The following CCDC3 variants were observed in gnomAD, a reference collection of about 807,000 sequenced individuals.
CCDC3 encodes coiled-coil domain containing 3, also known as coiled-coil domain-containing protein 3.
A neutral mutation model predicts 21.4 loss-of-function variants in CCDC3; 24 were observed. The observed-to-expected ratio is 1.12, with a 90% confidence interval of 0.81 to 1.58. The LOEUF is 1.58. Ranked by LOEUF, CCDC3 falls within the 40% of genes most tolerant of loss-of-function variation. The pLI, the probability that CCDC3 is intolerant of heterozygous loss-of-function variation, is 0.00. For synonymous variants in CCDC3, 186 were observed against 166.0 expected, an observed-to-expected ratio of 1.12 and a Z score of -0.93; for missense variants, 425 against 360.9, an observed-to-expected ratio of 1.18 and a Z score of -1.44.
At chr10:13,063,919 T>TG (rs1213547656) in intron 4 of CCDC3, among the ~76,000 whole-genome samples, 5 of 152,132 alleles carry the variant, frequency 3.3e-5, no homozygotes, top group Middle Eastern at 3.4e-3. Context: ...GTCGTTTTTT[T>TG]TTGTTGTTGT....
At chr10:12,929,316 A>AT (rs1429048252) in intron 2 of CCDC3, among the ~76,000 whole-genome samples, 1 of 148,318 alleles carries the variant, frequency 6.7e-6, no homozygotes, top group Non-Finnish European at 1.5e-5. Flanking sequence ...TCTGAGTTTT[A>AT]TTTTTGTGCC....
intron 5 of CCDC3, among the ~76,000 whole-genome samples, chr10:13,012,005 T>C (rs1274110421): frequency 1.3e-5 from 2 of 152,138 alleles, no homozygotes; most frequent in South Asian, 2.1e-4. Context: ...ACGTGGAAGA[T>C]TGAAACTGGA....
At chr10:12,978,489 T>C (rs1206925589) in intron 2 of CCDC3, among the ~76,000 whole-genome samples, 2 of 152,204 alleles carry the variant, frequency 1.3e-5, no homozygotes, top group Middle Eastern at 3.2e-3. Flanking sequence ...TGGGGTTACA[T>C]GACACGGTCA....
At chr10:13,092,204 C>G (rs1318890796) in intron 3 of CCDC3, among the ~76,000 whole-genome samples, 4 of 152,096 alleles carry the variant, frequency 2.6e-5, no homozygotes, top group Non-Finnish European at 5.9e-5. Context: ...GTATGGGAAC[C>G]AAGGTAGACA....
At chr10:13,027,958 T>C (rs1210502715) in intron 5 of CCDC3, among the ~76,000 whole-genome samples, 4 of 152,182 alleles carry the variant, frequency 2.6e-5, no homozygotes, top group Admixed American at 1.3e-4. Context: ...CCAAGATTGA[T>C]GCTCCTCTTA....
At chr10:12,927,912 C>G (rs1333751485) in intron 2 of CCDC3, among the ~76,000 whole-genome samples, 1 of 152,190 alleles carries the variant, frequency 6.6e-6, no homozygotes, top group Non-Finnish European at 1.5e-5. Flanking sequence ...CATACACAGT[C>G]CAGAAATGGA....
At chr10:13,092,681 G>A (rs1382064386) in intron 3 of CCDC3, among the ~76,000 whole-genome samples, 1 of 152,234 alleles carries the variant, frequency 6.6e-6, no homozygotes, top group African/African-American at 2.4e-5. Flanking sequence ...TAACACAGGG[G>A]TGACCAGTTG....
At chr10:12,941,918 T>C (rs1193582785) in intron 2 of CCDC3, among the ~76,000 whole-genome samples, 2 of 152,212 alleles carry the variant, frequency 1.3e-5, no homozygotes, top group Non-Finnish European at 2.9e-5. Flanking sequence ...AACTAAAGAA[T>C]GGAGACGGCC....
rs548047657 is a variant in CCDC3 at position 13,076,533 on chromosome 10, G to T, written c.-502-2433C>A. 3.2e-4 allele frequency among the ~76,000 whole-genome samples: 49 copies of T among 152,326 alleles called. No individual in the cohort carries two copies. In the Middle Eastern group the frequency reaches 0.01, roughly 32 times the overall value. ...TAAATCATAAGTGTTAGAAGTAATA[G>T]TTCCTTTTAAAGACTAACTTCCTTC... On this transcript the variant is annotated intron_variant, in intron 3 of 6. Coordinates refer to the CCDC3 transcript ENST00000378839.
chr10:12,898,730 G>A lies in CCDC3; in HGVS notation c.550-51C>T, dbSNP rs748398603. 2.6e-5 allele frequency: 41 copies of A among 1,591,104 alleles called. 2 individuals carry two copies. In the South Asian group the frequency reaches 4.4e-4, roughly 17 times the overall value. On this transcript the variant is annotated intron_variant, in intron 2 of 2. Transcript: ENST00000378825. ...AGAGGAGGTGAGTCCCAGAAACTGCGCTGCGGCCAGGGGAGTCCCAGAAGC... is the reference window on the plus strand; with the variant it reads ...AGAGGAGGTGAGTCCCAGAAACTGCACTGCGGCCAGGGGAGTCCCAGAAGC...
chr10:12,937,393 G>A lies in CCDC3; in HGVS notation c.550-38714C>T, dbSNP rs559275585. Among the ~76,000 whole-genome samples the A allele has an allele frequency of 5.9e-5, 9 of 152,236 alleles. 1 individual carries two copies. The highest frequency in any genetic ancestry group is 2.2e-4 in the African/African-American group (9 of 41,518). The stretch of plus-strand genomic sequence containing the variant: ...CGGTTATCAAGCCACCATAGTACTA[G>A]CAGTACCTGAGATGTTGTCACCAGA... On this transcript the variant is annotated intron_variant, in intron 2 of 2. Coordinates refer to ENST00000378825, the MANE Select transcript of CCDC3 (RefSeq NM_031455.4).
intron 4 of CCDC3, among the ~76,000 whole-genome samples, chr10:13,064,256 C>T (rs1168274131): frequency 6.6e-6 from 1 of 152,168 alleles, no homozygotes; most frequent in Non-Finnish European, 1.5e-5. Context: ...CACAACTGTC[C>T]TCTCAGTTCA....
upstream of CCDC3, among the ~76,000 whole-genome samples, chr10:13,001,950 G>A (rs1175310287): frequency 6.6e-6 from 1 of 152,202 alleles, no homozygotes. Flanking sequence ...CGATGGACGT[G>A]GTCCGAGCTT....
intron 3 of CCDC3, among the ~76,000 whole-genome samples, chr10:13,097,694 A>C (rs1564347770): frequency 6.6e-6 from 1 of 152,250 alleles, no homozygotes; most frequent in Non-Finnish European, 1.5e-5. Flanking sequence ...ACTGCACTCC[A>C]GCCTGGGCAA....
intron 5 of CCDC3, among the ~76,000 whole-genome samples, chr10:13,018,447 A>G (rs1202072472): frequency 2.0e-5 from 3 of 152,136 alleles, no homozygotes; most frequent in African/African-American, 7.2e-5. Context: ...AACGAGATAC[A>G]TGGGAAAGTT....
At chr10:12,982,499 TA>T (rs1026430730) in intron 2 of CCDC3, among the ~76,000 whole-genome samples, 9 of 147,666 alleles carry the variant, frequency 6.1e-5, no homozygotes, top group East Asian at 4.1e-4. Flanking sequence ...TTACCATAAT[TA>T]AAAAAAAAAT....
chr10:12,906,443 G>A (rs756032658), intron 2 of CCDC3, among the ~76,000 whole-genome samples: 17 of 152,184 alleles, frequency 1.1e-4, no homozygotes, highest in South Asian at 4.1e-4. Flanking sequence ...GGCAGCACCC[G>A]GCCTAGCTGG....
intron 1 of CCDC3, 54 bp from the exon 2 acceptor site, chr10:12,998,566 G>C: frequency 6.5e-7 from 1 of 1,539,010 alleles, no homozygotes; most frequent in Non-Finnish European, 8.8e-7. Context: ...GGGTGTACCA[G>C]CTCCAATCCA....
intron 2 of CCDC3, among the ~76,000 whole-genome samples, chr10:12,938,137 T>C (rs964690382): frequency 9.2e-5 from 14 of 152,172 alleles, no homozygotes; most frequent in African/African-American, 3.1e-4. Context: ...GCCTTTAGGG[T>C]TGGAAGGAGG....
Sources: gnomAD v4.1 joint callset for allele counts (sites outside exome capture counted in the v4.1 genomes callset) on GRCh38, gnomAD v4.1.1 for gene constraint, MANE v1.5 for transcripts, NCBI Gene and HGNC (gene_info 2026-07-23, HGNC 2026-07-21) for gene names.